Variants in DHX35 observed in about 807,000 individuals in gnomAD.
The protein encoded by DHX35 is probable ATP-dependent RNA helicase DHX35.
Under a neutral mutation model 99.6 loss-of-function variants are expected in DHX35, and 84 were observed. The observed-to-expected ratio is 0.84, with a 90% CI of 0.71 to 1.01. The LOEUF (loss-of-function observed/expected upper bound fraction) is 1.01. Among genes scored for constraint, DHX35 ranks in the 50% least tolerant of loss-of-function variants. The pLI is 0.00. For synonymous variants in DHX35, 331 were observed against 316.2 expected, an observed-to-expected ratio of 1.05 and a Z score of -0.50; for missense variants, 852 against 888.5, an observed-to-expected ratio of 0.96 and a Z score of 0.52.
rs767246242 is a variant in DHX35 at position 38,988,907 on chromosome 20, C to T, written c.440C>T (p.Thr147Met). The change falls in exon 5 of 22, where the codon ACG (threonine) becomes ATG (methionine). Residue 147 changes from threonine to methionine, a missense_variant. Physicochemically the swap from Thr to Met is moderately conservative, Grantham distance 81. Coordinates refer to ENST00000252011, the MANE Select transcript of DHX35 (RefSeq NM_021931.4). ...RFDDCTDQLA[T>M]RIKFLTDGML... ...GATGACTGCACCGACCAGCTGGCCA[C>T]GAGAATTAAGGTAAAGTGCTCAAGC... 1.9e-5 allele frequency: 30 copies of T among 1,612,106 alleles called. No homozygotes were observed. Among genetic ancestry groups the T allele is most frequent in the East Asian group, 1.8e-4 (8 of 44,800 alleles).
Position 39,006,052 on chromosome 20 carries a change from T to A in DHX35, c.1012-94T>A. On this transcript the variant is annotated intron_variant, in intron 11 of 21. Coordinates refer to ENST00000252011, the MANE Select transcript of DHX35 (RefSeq NM_021931.4). ...AAACTGCCTCTCACAGATTCTGCAA[T>A]GTTGGAAATGTTAAATCTTTTAGGA... 4.3e-6 allele frequency: 6 copies of A among 1,389,026 alleles called. No homozygotes were observed. The East Asian group carries it at 1.2e-4, about 27-fold the overall frequency. The allele number at this position is 1,389,026 out of a possible 1,614,324, so 86.0% of individuals were successfully genotyped here.
chr20:39,024,650 T>C (rs2086924007), intron 17 of DHX35, among the ~76,000 whole-genome samples: 2 of 152,362 alleles, frequency 1.3e-5, no homozygotes, highest in African/African-American at 4.8e-5. Context: ...GAATATCTTC[T>C]ATTAATTACA....
intron 8 of DHX35, among the ~76,000 whole-genome samples, chr20:38,995,159 T>A (rs1189530077): frequency 6.6e-6 from 1 of 152,240 alleles, no homozygotes; most frequent in African/African-American, 2.4e-5. Flanking sequence ...GTTTTTTCAG[T>A]ATAAGCCTGT....
Position 39,023,090 on chromosome 20 carries a change from C to T in DHX35, c.1594-600C>T, listed in dbSNP as rs114135556. Among the ~76,000 whole-genome samples, 781 of 152,172 alleles carry T rather than the reference C, an allele frequency of 5.1e-3. 9 individuals carry two copies. The highest frequency in any genetic ancestry group is 0.018 in the African/African-American group (749 of 41,536). On this transcript the variant is annotated intron_variant, in intron 16 of 21. Transcript: ENST00000252011. ...TTTGTTTAGTTTTGTTTTTAATTAACCTGGAGGAGGAGAGAGACAAGAACA... is the reference window on the plus strand; with the variant it reads ...TTTGTTTAGTTTTGTTTTTAATTAATCTGGAGGAGGAGAGAGACAAGAACA...
chr20:39,037,264 A>G (rs2087169699), intron 21 of DHX35, among the ~76,000 whole-genome samples: 1 of 152,148 alleles, frequency 6.6e-6, no homozygotes, highest in Admixed American at 6.5e-5. Context: ...ACAGCTAGAC[A>G]GGGGAAGAAC....
chr20:39,034,590 AT>A (rs58827630), intron 21 of DHX35, among the ~76,000 whole-genome samples: 37,908 of 135,732 alleles, frequency 0.28, 4,995 homozygotes, highest in East Asian at 0.43. Flanking sequence ...CTTCCAAACT[AT>A]TTTTTTTTTT....
intron 20 of DHX35, among the ~76,000 whole-genome samples, chr20:39,032,224 C>T (rs2087066384): frequency 6.6e-6 from 1 of 152,152 alleles, no homozygotes; most frequent in Non-Finnish European, 1.5e-5. Context: ...CAATCTGTTG[C>T]CCAGTGGTGT....
chr20:39,034,991 C>A lies in DHX35; in HGVS notation c.2067+674C>A, dbSNP rs114908374. ...CCCAGGCTAGTCTCGAATAACTGGGCTCAAGTGGTGCTCCTGCCTTGGTCT... is the reference window on the plus strand; with the variant it reads ...CCCAGGCTAGTCTCGAATAACTGGGATCAAGTGGTGCTCCTGCCTTGGTCT... On this transcript the variant is annotated intron_variant, in intron 21 of 21. Transcript: ENST00000252011. 4.5e-3 allele frequency among the ~76,000 whole-genome samples: 687 copies of A among 152,050 alleles called. 7 individuals carry two copies. Among genetic ancestry groups the A allele is most frequent in the African/African-American group, 0.016 (662 of 41,466 alleles).
chr20:39,002,388 C>T (rs1302337358), intron 9 of DHX35, among the ~76,000 whole-genome samples: 1 of 152,166 alleles, frequency 6.6e-6, no homozygotes, highest in Non-Finnish European at 1.5e-5. Flanking sequence ...CCATCAGGGC[C>T]ATCCAGCCGA....
chr20:39,034,842 T>C (rs1198724900), intron 21 of DHX35, among the ~76,000 whole-genome samples: 1 of 151,312 alleles, frequency 6.6e-6, no homozygotes, highest in Non-Finnish European at 1.5e-5. Context: ...GGTTACAAAC[T>C]CCTGGCCTCA....
intron 10 of DHX35, among the ~76,000 whole-genome samples, chr20:39,003,522 C>T (rs750870191): frequency 4.6e-5 from 7 of 152,072 alleles, no homozygotes; most frequent in Non-Finnish European, 7.4e-5. Flanking sequence ...CAGATCATAC[C>T]GAGTTTTTAG....
chr20:38,979,827 ATT>A (rs11476490), intron 3 of DHX35, among the ~76,000 whole-genome samples: 23,461 of 143,370 alleles, frequency 0.16, 2,061 homozygotes, highest in East Asian at 0.3. Flanking sequence ...AACCTAGATG[ATT>A]TTTTTTTTTT....
intron 8 of DHX35, among the ~76,000 whole-genome samples, chr20:39,000,504 A>T (rs1011382077): frequency 1.3e-5 from 2 of 152,242 alleles, no homozygotes; most frequent in Non-Finnish European, 2.9e-5. Context: ...GGAATTCTGC[A>T]TAGCAAAACA....
intron 20 of DHX35, among the ~76,000 whole-genome samples, chr20:39,031,315 G>C (rs957842059): frequency 6.6e-6 from 1 of 151,770 alleles, no homozygotes; most frequent in Non-Finnish European, 1.5e-5. Context: ...AGATGAATTG[G>C]GATCCCAGCT....
chr20:38,980,678 C>G (rs916084211), intron 3 of DHX35, among the ~76,000 whole-genome samples: 4 of 152,064 alleles, frequency 2.6e-5, no homozygotes, highest in Non-Finnish European at 5.9e-5. Context: ...TACTTTTAGA[C>G]TAATAGAAAA....
At chr20:38,971,151 G>A (rs879094079) in intron 2 of DHX35, among the ~76,000 whole-genome samples, 1 of 152,072 alleles carries the variant, frequency 6.6e-6, no homozygotes, top group Admixed American at 6.5e-5. Flanking sequence ...CAAGGAGTTC[G>A]AGACCAACCT....
rs746838915 is a variant in DHX35 at position 38,983,724 on chromosome 20, C to T, written c.293C>T (p.Ala98Val). ...TACCTTGCAGAAGCCGGCTGGACAG[C>T]TGAAGGAAGAGTGGTAGGAGTGACC... is the stretch of plus-strand genomic sequence containing the variant. Reference protein sequence around the residue: ...PQYLAEAGWTAEGRVVGVTQP... With the variant: ...PQYLAEAGWTVEGRVVGVTQP... Residue 98 changes from alanine (A) to valine (V), a missense_variant, in exon 4 of 22, where the codon GCT (alanine) becomes GTT (valine). By Grantham distance (64) the Ala-to-Val change is moderately conservative. Coordinates refer to ENST00000252011, the MANE Select transcript of DHX35 (RefSeq NM_021931.4). 6.2e-7 allele frequency: 1 copy of T among 1,614,090 alleles called. No homozygotes were observed. Among genetic ancestry groups the T allele is most frequent in the Non-Finnish European group, 8.5e-7 (1 of 1,179,990 alleles).
chr20:38,962,957 G>C (rs1265437185), intron 1 of DHX35: 2 of 153,084 alleles, frequency 1.3e-5, no homozygotes, highest in Admixed American at 1.3e-4. Context: ...CAAGCAGAAC[G>C]CGTTGTCAGA....
chr20:39,018,999 A>T, intron 15 of DHX35, 100 bp downstream of exon 15: 1 of 1,008,822 alleles, frequency 9.9e-7, no homozygotes, highest in Non-Finnish European at 1.5e-6. Flanking sequence ...ACAATATGGT[A>T]AAGAAGTATA....
Sources: allele counts gnomAD v4.1 joint callset (sites outside exome capture counted in the v4.1 genomes callset), GRCh38; gene constraint gnomAD v4.1.1; transcripts MANE v1.5; gene names NCBI Gene and HGNC (gene_info 2026-07-23, HGNC 2026-07-21).